HUWE1: variants seen among roughly 807,000 people sequenced by gnomAD.
The protein encoded by HUWE1 is E3 ubiquitin-protein ligase HUWE1.
HUWE1 carries 18 observed loss-of-function variants against 299.4 expected under a neutral mutation model. The ratio of observed to expected loss-of-function variants is 0.06; its 90% CI spans 0.04 to 0.09. HUWE1 has a LOEUF of 0.09. HUWE1 is among the 10% of genes least tolerant of loss of function. HUWE1 has a pLI of 1.00. For missense variants in HUWE1, 1,832 were observed against 3,462.3 expected, an observed-to-expected ratio of 0.53 and a Z score of 11.82; for synonymous variants, 1,317 against 1,286.1, an observed-to-expected ratio of 1.02 and a Z score of -0.51.
intron 2 of HUWE1, among the ~76,000 whole-genome samples, chrX:53,681,636 A>G (rs1352080510): frequency 2.7e-5 from 3 of 111,994 alleles, no homozygotes; most frequent in Non-Finnish European, 5.6e-5. Flanking sequence ...TCAGGTAAGA[A>G]GATGCCAAAT....
rs782528676 is a variant in HUWE1 at position 53,625,462 on chromosome X, A to G, written c.1490-204T>C. On this transcript the variant is annotated intron_variant, in intron 17 of 83. Transcript: ENST00000262854. ...TACTAATACTTTTAATTTTACCAAT[A>G]CTAAAAGTCTAAAGTAAAAAAGAAA... is the stretch of plus-strand genomic sequence containing the variant. 50 of 363,806 alleles carry G rather than the reference A, an allele frequency of 1.4e-4. No homozygotes were observed. In the South Asian group the frequency reaches 3.0e-3, roughly 22 times the overall value. The allele number at this position is 363,806 out of a possible 1,213,427, so 30.0% of individuals were successfully genotyped here.
In HUWE1 at chrX:53,552,702, C is replaced by T; in HGVS notation, c.8686G>A (p.Ala2896Thr). ...GSSTPGDAPP[A>T]VAEVQGRSDG... ...CTCCTGCCTTGCACTTCCGCCACAG[C>T]TGGTGGGGCATCCCCAGGAGTGGAG... The change falls in exon 62 of 84, where the codon GCT (alanine) becomes ACT (threonine). Residue 2896 changes from alanine to threonine, a missense_variant. By Grantham distance (58) the Ala-to-Thr change is moderately conservative. Transcript: ENST00000262854. 8.3e-7 allele frequency: 1 copy of T among 1,212,080 alleles called. No homozygotes were observed. The highest frequency in any genetic ancestry group is 1.1e-6 in the Non-Finnish European group (1 of 895,582).
At position 53,663,879 on chromosome X, in the gene HUWE1, TAA is replaced by T. The variant is rs376201617; in HGVS notation, c.-24-9750_-24-9749del. Among the ~76,000 whole-genome samples the T allele has an allele frequency of 3.5e-3, 328 of 94,753 alleles. 1 individual carries two copies. Among genetic ancestry groups the T allele is most frequent in the African/African-American group, 0.012 (304 of 26,166 alleles). The allele number at this position is 94,753 out of a possible 115,157, so 82.3% of individuals were successfully genotyped here. On this transcript the variant is annotated intron_variant, in intron 3 of 83. Coordinates refer to ENST00000262854, the MANE Select transcript of HUWE1 (RefSeq NM_031407.7). ...AATGTCTGCCACAGGGTGGGAAAGT[TAA>T]AAAAAAAAAAAAACCTGGGAAGGGA...
At chrX:53,600,482 G>A (rs1238204157) in intron 28 of HUWE1, among the ~76,000 whole-genome samples, 173 bp from the exon 29 acceptor site, 5 of 112,299 alleles carry the variant, frequency 4.5e-5, no homozygotes, top group African/African-American at 1.6e-4. Context: ...ATGCTCCTCT[G>A]GAGTTCTAAG....
intron 74 of HUWE1, among the ~76,000 whole-genome samples, chrX:53,540,623 G>A (rs186552817): frequency 8.9e-6 from 1 of 112,402 alleles, no homozygotes; most frequent in Admixed American, 9.4e-5. Flanking sequence ...CACCACGCCC[G>A]GCCTTCTAAT....
intron 74 of HUWE1, among the ~76,000 whole-genome samples, chrX:53,540,351 G>C (rs1388376237): frequency 2.8e-5 from 3 of 107,000 alleles, no homozygotes; most frequent in Non-Finnish European, 1.9e-5. Flanking sequence ...TTTTCCCTGA[G>C]ACAGTCTCGT....
chrX:53,681,516 G>A (rs1282770574), intron 2 of HUWE1, among the ~76,000 whole-genome samples: 1 of 110,723 alleles, frequency 9.0e-6, no homozygotes, highest in Non-Finnish European at 1.9e-5. Flanking sequence ...AATATAAAAT[G>A]GCAATAACAC....
intron 3 of HUWE1, among the ~76,000 whole-genome samples, chrX:53,667,332 G>C (rs1184836986): frequency 3.6e-5 from 4 of 112,185 alleles, no homozygotes; most frequent in Non-Finnish European, 7.5e-5. Context: ...TTCAACATAT[G>C]ATGGGATTAT....
intron 81 of HUWE1, 31 bp from the exon 82 acceptor site, chrX:53,534,728 T>C (rs939525861): frequency 1.7e-6 from 2 of 1,184,072 alleles, no homozygotes; most frequent in Admixed American, 4.4e-5. Context: ...CCAAATGACT[T>C]CTAAACTCAC....
chrX:53,614,047 C>A (rs2065650737), intron 23 of HUWE1, among the ~76,000 whole-genome samples: 1 of 111,489 alleles, frequency 9.0e-6, no homozygotes. Flanking sequence ...GGTAGATCAC[C>A]TGACGTCGGG....
intron 7 of HUWE1, among the ~76,000 whole-genome samples, chrX:53,637,852 A>G (rs1557027565): frequency 8.9e-6 from 1 of 111,836 alleles, no homozygotes; most frequent in Admixed American, 9.5e-5. Context: ...AACACCAAGC[A>G]CCTATTTTTA....
In HUWE1 at chrX:53,591,353, C is replaced by A. The variant is rs1426272045; in HGVS notation, c.3973-231G>T. 9.0e-6 allele frequency among the ~76,000 whole-genome samples: 1 copy of A among 111,192 alleles called. No homozygotes were observed. Among genetic ancestry groups the A allele is most frequent in the Non-Finnish European group, 1.9e-5 (1 of 53,080 alleles). ...CCAAGAAGATTCTCGATTTCATCCT[C>A]TAAGAAAGTTAGGGGGGGATGCATG... is the stretch of plus-strand genomic sequence containing the variant. On this transcript the variant is annotated intron_variant, in intron 33 of 83. Transcript: ENST00000262854.
Position 53,594,588 on chromosome X carries a change from T to C in HUWE1, c.3414A>G (p.Thr1138=), listed in dbSNP as rs782177318. ...LTFFICSVGF[T]SPMLFDERKY... ...TCCTCTCATCAAACAGCATTGGGGA[T>C]GTGAAACCAACTGAACAGATGAAGA... Residue 1138 remains threonine, a synonymous_variant, in exon 31 of 84, where the codon ACA becomes ACG. Coordinates refer to ENST00000262854, the MANE Select transcript of HUWE1 (RefSeq NM_031407.7). 2.5e-6 allele frequency: 3 copies of C among 1,208,548 alleles called. No homozygotes were observed. The East Asian group carries it at 8.9e-5, about 36-fold the overall frequency.
At chrX:53,562,348 T>G in intron 53 of HUWE1, 104 bp from the exon 54 acceptor site, 11 of 1,013,240 alleles carry the variant, frequency 1.1e-5, no homozygotes, top group South Asian at 2.0e-5. Flanking sequence ...TATCTGACTC[T>G]ATGAGAGGAA....
intron 2 of HUWE1, chrX:53,684,234 G>C: frequency 5.2e-6 from 1 of 192,548 alleles, no homozygotes; most frequent in African/African-American, 2.8e-5. Context: ...CTTTAGCCTC[G>C]GCGAGACCTT....
At chrX:53,592,976 A>C (rs1247374423) in intron 32 of HUWE1, among the ~76,000 whole-genome samples, 3 of 112,001 alleles carry the variant, frequency 2.7e-5, no homozygotes, top group African/African-American at 9.8e-5. Flanking sequence ...GCCATGTGAC[A>C]TGCAAGCTCC....
chrX:53,545,203 T>C (rs1556921759), intron 70 of HUWE1, 42 bp from the exon 71 acceptor site: 1 of 1,189,144 alleles, frequency 8.4e-7, no homozygotes, highest in Non-Finnish European at 1.1e-6. Flanking sequence ...GAGACTCCCC[T>C]GGTAAAGTGG....
At position 53,545,102 on chromosome X, in the gene HUWE1, C is replaced by T; in HGVS notation, c.10975G>A (p.Glu3659Lys). 8.3e-7 allele frequency: 1 copy of T among 1,210,127 alleles called. No individual in the cohort carries two copies. The change falls in exon 71 of 84, where the codon GAA becomes AAA. Residue 3659 changes from glutamate (E) to lysine (K), a missense_variant. By Grantham distance (56) the Glu-to-Lys change is moderately conservative (BLOSUM62 1). This residue lies in a region of HUWE1 where 48 missense variants were observed against 87.0 expected (regional missense o/e 0.55). Coordinates refer to ENST00000262854, the MANE Select transcript of HUWE1 (RefSeq NM_031407.7). ...NLEQQRRAQC[E>K]TLSPDGLPEE... ...GGCAGGCCATCAGGAGAGAGGGTTT[C>T]ACATTGGGCTCGCCGCTGCTGCTCG...
intron 43 of HUWE1, among the ~76,000 whole-genome samples, chrX:53,577,316 T>C (rs2063155376): frequency 9.1e-6 from 1 of 110,462 alleles, no homozygotes; most frequent in Non-Finnish European, 1.9e-5. Context: ...ATCCAGTTGT[T>C]AATTCAACAA....
Sources: gnomAD v4.1 joint callset for allele counts (sites outside exome capture counted in the v4.1 genomes callset) on GRCh38, gnomAD v4.1.1 for gene constraint, gnomAD v4.1.1 regional missense constraint, MANE v1.5 for transcripts, NCBI Gene and HGNC (gene_info 2026-07-23, HGNC 2026-07-21) for gene names.